CLIC5: variants seen among roughly 807,000 people sequenced by gnomAD.
The protein encoded by CLIC5 is CLIC family member 5, also known as chloride intracellular channel protein 5.
A neutral mutation model predicts 24.7 loss-of-function variants in CLIC5; 20 were observed. That is an observed-to-expected ratio of 0.81 (90% confidence interval 0.57 to 1.18). CLIC5 has a LOEUF of 1.18. Among genes scored for constraint, CLIC5 ranks in the 50% most tolerant of loss-of-function variants. CLIC5 has a pLI of 0.00. For missense variants in CLIC5, 341 were observed against 326.1 expected (o/e 1.05, Z -0.35); for synonymous variants, 159 against 135.6 (o/e 1.17, Z -1.20).
chr6:46,039,454 TGGTG>T (rs1767747671), intron 1 of CLIC5, among the ~76,000 whole-genome samples: 1 of 152,044 alleles, frequency 6.6e-6, no homozygotes, highest in East Asian at 1.9e-4. Flanking sequence ...AATCAGGTCA[TGGTG>T]CAGAGACGGC....
At chr6:45,912,113 A>G (rs1762843144) in intron 5 of CLIC5, 6 of 986,200 alleles carry the variant, frequency 6.1e-6, no homozygotes, top group Non-Finnish European at 7.2e-6. Flanking sequence ...CTTTCATATG[A>G]AAACAGTTAG....
rs1762447741 is a variant in CLIC5, at chr6:45,899,199, T to C, written c.*3889A>G. 6.6e-6 allele frequency: 1 copy of C among 152,214 alleles called. No individual in the cohort carries two copies. Among genetic ancestry groups the C allele is most frequent in the South Asian group, 2.1e-4 (1 of 4,824 alleles). 9.4% of individuals were successfully genotyped at this position (152,214 alleles called of 1,614,324 possible). A position where few individuals can be genotyped will look rare whatever the true frequency, so the allele number is the denominator to read the frequency against. On this transcript the variant is annotated 3_prime_UTR_variant, in exon 6 of 6. Transcript: ENST00000339561. ...GCTGTGTGCAGCAGGTCCTGTTCGC[T>C]TAAGTTTTCCTAACATCAGAATCAG...
chr6:46,095,255 A>C, the CLIC5 span, among the ~76,000 whole-genome samples: 49 of 152,210 alleles, frequency 3.2e-4, no homozygotes, highest in African/African-American at 1.2e-3. Flanking sequence ...CCTTTCCTCC[A>C]TTGCCTTGGA....
the CLIC5 span, among the ~76,000 whole-genome samples, chr6:46,107,539 G>A: frequency 2.6e-5 from 4 of 152,136 alleles, no homozygotes; most frequent in Non-Finnish European, 4.4e-5. Context: ...ATTAATATGT[G>A]TAATTAAAAT....
chr6:46,069,966 A>G (rs1762548225), intron 1 of CLIC5, among the ~76,000 whole-genome samples: 1 of 150,460 alleles, frequency 6.6e-6, no homozygotes, highest in African/African-American at 2.5e-5. Flanking sequence ...AACTAAAGAC[A>G]AAAAAACGTG....
chr6:45,996,071 T>C (rs1766126190), intron 1 of CLIC5, among the ~76,000 whole-genome samples: 2 of 150,924 alleles, frequency 1.3e-5, no homozygotes. Flanking sequence ...CCATGGCACA[T>C]GTTTACCTAT....
chr6:45,997,652 A>G (rs1354877899), intron 1 of CLIC5, among the ~76,000 whole-genome samples: 3 of 152,222 alleles, frequency 2.0e-5, no homozygotes, highest in Non-Finnish European at 4.4e-5. Flanking sequence ...TCAGTTAAAA[A>G]TACTCCCAAA....
intron 1 of CLIC5, among the ~76,000 whole-genome samples, chr6:46,036,382 T>G (rs1041174693): frequency 5.4e-5 from 8 of 148,052 alleles, no homozygotes; most frequent in Admixed American, 3.4e-4. Flanking sequence ...GCGGTCTCGG[T>G]TCACTGCAAG....
intron 1 of CLIC5, among the ~76,000 whole-genome samples, chr6:46,034,403 A>G (rs898854892): frequency 4.6e-5 from 7 of 152,164 alleles, no homozygotes; most frequent in Non-Finnish European, 8.8e-5. Context: ...TAATCTCAAT[A>G]TGGGTGCTTC....
chr6:45,998,589 A>G (rs543929160), intron 1 of CLIC5, among the ~76,000 whole-genome samples: 11 of 152,348 alleles, frequency 7.2e-5, no homozygotes, highest in African/African-American at 2.6e-4. Flanking sequence ...AGGAATATTA[A>G]TAACCTGGAT....
At chr6:46,097,381 T>C in the CLIC5 span, 1 of 152,244 alleles carries the variant, frequency 6.6e-6, no homozygotes, top group African/African-American at 2.4e-5. Flanking sequence ...GAGGAGATAC[T>C]ACTGCCTGTA....
At chr6:46,100,545 C>T in the CLIC5 span, among the ~76,000 whole-genome samples, 1 of 152,152 alleles carries the variant, frequency 6.6e-6, no homozygotes, top group Non-Finnish European at 1.5e-5. Flanking sequence ...AAATGCCACT[C>T]CCCGGTCTTA....
chr6:45,895,636 T>C (rs939288222), downstream of CLIC5, among the ~76,000 whole-genome samples: 5 of 152,178 alleles, frequency 3.3e-5, no homozygotes, highest in African/African-American at 1.2e-4. Flanking sequence ...CACTAATAAA[T>C]ACTTTTGAGC....
At chr6:45,958,805 A>G (rs945581044) in intron 1 of CLIC5, among the ~76,000 whole-genome samples, 2 of 152,108 alleles carry the variant, frequency 1.3e-5, no homozygotes, top group African/African-American at 4.8e-5. Context: ...TGTCTTCAGC[A>G]GCAACAAGCA....
chr6:46,048,005 C>CT (rs34581798), intron 1 of CLIC5, among the ~76,000 whole-genome samples: 91,219 of 139,144 alleles, frequency 0.66, 30,028 homozygotes, highest in Admixed American at 0.75. Context: ...TCCATATCTA[C>CT]TTTTTTTTTT....
exon 1 of CLIC5, chr6:46,079,986 T>C: frequency 3.9e-6 from 6 of 1,551,664 alleles, no homozygotes; most frequent in Non-Finnish European, 5.2e-6. Flanking sequence ...AGAGTATATC[T>C]CATCAGGCAG....
intron 5 of CLIC5, among the ~76,000 whole-genome samples, chr6:45,906,725 G>C (rs1186409091): frequency 3.9e-5 from 6 of 152,106 alleles, no homozygotes; most frequent in African/African-American, 1.2e-4. Flanking sequence ...ACCATGCCCA[G>C]CTAATTTTGT....
chr6:46,018,851 G>A (rs915661977), upstream of CLIC5: 1 of 152,160 alleles, frequency 6.6e-6, no homozygotes, highest in Non-Finnish European at 1.5e-5. Flanking sequence ...TCATATTTTT[G>A]TATGACTGTT....
At chr6:45,934,245 G>A (rs571776684) in intron 4 of CLIC5, 1 of 152,204 alleles carries the variant, frequency 6.6e-6, no homozygotes, top group Non-Finnish European at 1.5e-5. Flanking sequence ...TTTGATGGTT[G>A]TCTCCTTGTT....
Sources: gnomAD v4.1 joint callset for allele counts (sites outside exome capture counted in the v4.1 genomes callset) on GRCh38, gnomAD v4.1.1 for gene constraint, MANE v1.5 for transcripts, NCBI Gene and HGNC (gene_info 2026-07-23, HGNC 2026-07-21) for gene names.